Variants in RGS22 observed in about 807,000 individuals in gnomAD.
RGS22 encodes the protein regulator of G-protein signaling 22.
Under a neutral mutation model 172.9 loss-of-function variants are expected in RGS22, and 148 were observed. The observed-to-expected ratio is 0.86, with a 90% CI of 0.75 to 0.98. RGS22 has a LOEUF of 0.98. Among genes scored for constraint, RGS22 ranks in the 50% least tolerant of loss-of-function variants. The pLI is 0.00. For missense variants in RGS22, 1,347 were observed against 1,440.8 expected (o/e 0.93, Z 1.05); for synonymous variants, 458 against 480.2 (o/e 0.95, Z 0.60).
intron 10 of RGS22, among the ~76,000 whole-genome samples, chr8:100,052,111 T>A (rs371633739): frequency 0.017 from 411 of 24,022 alleles, 88 homozygotes; most frequent in Non-Finnish European, 0.024. Flanking sequence ...ATATAAATGT[T>A]TATATATATT....
chr8:100,074,167 C>T (rs977921782), intron 4 of RGS22, among the ~76,000 whole-genome samples: 3 of 152,144 alleles, frequency 2.0e-5, no homozygotes, highest in Non-Finnish European at 2.9e-5. Flanking sequence ...AATAGCCATA[C>T]ACAAGCTGTC....
chr8:100,084,193 A>G (rs960736943), intron 3 of RGS22, among the ~76,000 whole-genome samples: 2 of 152,204 alleles, frequency 1.3e-5, no homozygotes, highest in Non-Finnish European at 2.9e-5. Context: ...CTCAGAATCC[A>G]TTCCAACCTC....
chr8:100,000,914 A>G (rs1211968416), intron 18 of RGS22, among the ~76,000 whole-genome samples: 6 of 152,030 alleles, frequency 3.9e-5, no homozygotes. Flanking sequence ...TAAATTTGGT[A>G]TGCCTTACTT....
chr8:100,060,399 C>CGT (rs1292755273), intron 9 of RGS22, among the ~76,000 whole-genome samples: 11 of 68,210 alleles, frequency 1.6e-4, no homozygotes, highest in African/African-American at 4.5e-4. Context: ...ACTTTAGCTA[C>CGT]GTGTATATAT....
At chr8:100,035,560 C>T (rs993411480) in intron 14 of RGS22, among the ~76,000 whole-genome samples, 1 of 152,120 alleles carries the variant, frequency 6.6e-6, no homozygotes, top group Non-Finnish European at 1.5e-5. Context: ...GCAATTCCTC[C>T]AAGATCTAGA....
At chr8:100,045,504 T>A (rs560179566) in intron 11 of RGS22, among the ~76,000 whole-genome samples, 1 of 152,192 alleles carries the variant, frequency 6.6e-6, no homozygotes, top group South Asian at 2.1e-4. Context: ...TCAACTTCAG[T>A]CAAAAGAAAT....
chr8:100,043,733 G>A (rs779539328), intron 11 of RGS22, among the ~76,000 whole-genome samples: 22 of 151,708 alleles, frequency 1.5e-4, no homozygotes, highest in Admixed American at 5.9e-4. Context: ...CCAAGATTGC[G>A]CCACTGCACT....
intron 14 of RGS22, among the ~76,000 whole-genome samples, chr8:100,027,634 C>T (rs1243804129): frequency 6.6e-6 from 1 of 152,086 alleles, no homozygotes; most frequent in Non-Finnish European, 1.5e-5. Context: ...AGGCATGTAC[C>T]ACCACATCCG....
intron 2 of RGS22, among the ~76,000 whole-genome samples, chr8:100,103,231 T>C (rs1813639223): frequency 6.6e-6 from 1 of 152,148 alleles, no homozygotes; most frequent in South Asian, 2.1e-4. Flanking sequence ...TTTTATGCTT[T>C]AGACAAAGAA....
intron 6 of RGS22, among the ~76,000 whole-genome samples, chr8:100,070,876 A>G (rs1810916848): frequency 6.7e-6 from 1 of 149,746 alleles, no homozygotes; most frequent in Non-Finnish European, 1.5e-5. Context: ...GAATACCAAA[A>G]AAAAAAGAGA....
chr8:99,989,476 C>A (rs184547512), intron 20 of RGS22, among the ~76,000 whole-genome samples: 38 of 152,122 alleles, frequency 2.5e-4, no homozygotes, highest in African/African-American at 8.9e-4. Flanking sequence ...TATGTATGCT[C>A]CTGCTCGGCA....
intron 4 of RGS22, among the ~76,000 whole-genome samples, chr8:100,072,749 C>A (rs183844626): frequency 1.4e-3 from 210 of 152,286 alleles, no homozygotes; most frequent in Non-Finnish European, 2.6e-3. Flanking sequence ...GTTACAAATA[C>A]TACAGTGTAG....
intron 23 of RGS22, among the ~76,000 whole-genome samples, chr8:99,975,204 TAATAA>T (rs994601946): frequency 3.3e-5 from 5 of 152,084 alleles, no homozygotes; most frequent in African/African-American, 1.2e-4. Flanking sequence ...TAGATGGTAT[TAATAA>T]AATAATAGTA....
chr8:99,999,949 A>T (rs1472252706), intron 18 of RGS22, among the ~76,000 whole-genome samples: 1 of 152,206 alleles, frequency 6.6e-6, no homozygotes, highest in East Asian at 1.9e-4. Context: ...TGCACTATGC[A>T]CCCAGAACAG....
chr8:99,971,362 G>A (rs973008218), intron 23 of RGS22, among the ~76,000 whole-genome samples: 1 of 152,154 alleles, frequency 6.6e-6, no homozygotes, highest in African/African-American at 2.4e-5. Context: ...ACATAGTATT[G>A]GAAGTTCTGG....
intron 5 of RGS22, among the ~76,000 whole-genome samples, chr8:100,071,876 C>G (rs1427292269): frequency 6.6e-6 from 1 of 152,170 alleles, no homozygotes; most frequent in East Asian, 1.9e-4. Context: ...ACGCCCTGCA[C>G]CTAAATACCA....
At chr8:100,054,589 T>C (rs1018495170) in intron 9 of RGS22, among the ~76,000 whole-genome samples, 1 of 152,042 alleles carries the variant, frequency 6.6e-6, no homozygotes, top group South Asian at 2.1e-4. Flanking sequence ...GTGAAACCTG[T>C]CTCTAAGAAA....
At position 99,962,758 on chromosome 8, in the gene RGS22, G is replaced by A; in HGVS notation, c.3719C>T (p.Pro1240Leu). 1 of 1,611,022 alleles carries A rather than the reference G, an allele frequency of 6.2e-7. No individual in the cohort carries two copies. The highest frequency in any genetic ancestry group is 2.2e-5 in the East Asian group (1 of 44,844). Residue 1240 changes from proline to leucine, a missense_variant, in exon 26 of 28, where the codon CCT becomes CTT. Coordinates refer to ENST00000360863, the MANE Select transcript of RGS22 (RefSeq NM_015668.5). ...LEKKLFAGLQ[P>L]LTNFKASSST... is the part of the protein sequence containing the mutation. The stretch of plus-strand genomic sequence containing the variant: ...AGAGCTAGCCTTAAAATTTGTGAGA[G>A]GTTGCAAGCCTGCACAAAAATAAAA...
chr8:100,088,163 A>G (rs944608001), intron 3 of RGS22, among the ~76,000 whole-genome samples: 3 of 152,152 alleles, frequency 2.0e-5, no homozygotes, highest in Non-Finnish European at 4.4e-5. Flanking sequence ...GCAAGAAATT[A>G]TAACTGTTTA....
Sources: gnomAD v4.1 joint callset for allele counts (sites outside exome capture counted in the v4.1 genomes callset) on GRCh38, gnomAD v4.1.1 for gene constraint, MANE v1.5 for transcripts, NCBI Gene and HGNC (gene_info 2026-07-23, HGNC 2026-07-21) for gene names.